Variants in LMTK3 observed in about 807,000 individuals in gnomAD.
LMTK3 encodes lemur tail kinase 3.
Under a neutral mutation model 116.7 loss-of-function variants are expected in LMTK3, and 27 were observed. The observed-to-expected ratio is 0.23, with a 90% CI of 0.17 to 0.32. The LOEUF (loss-of-function observed/expected upper bound fraction) is 0.32, where lower values mean the gene tolerates loss of function less well. LMTK3 is among the 10% of genes least tolerant of loss of function. The probability of loss-of-function intolerance (pLI) is 1.00; values close to 1 mark genes in which losing one functional copy is unlikely to be tolerated. For synonymous variants in LMTK3, 965 were observed against 971.0 expected, an observed-to-expected ratio of 0.99 and a Z score of 0.11; for missense variants, 1,764 against 2,068.5, an observed-to-expected ratio of 0.85 and a Z score of 2.86.
chr19:48,498,909 C>T lies in LMTK3; in HGVS notation c.2160G>A (p.Leu720=). The T allele has an allele frequency of 7.8e-7, 1 of 1,273,926 alleles. No individual in the cohort carries two copies. The highest frequency in any genetic ancestry group is 9.9e-7 in the Non-Finnish European group (1 of 1,011,026). 78.9% of individuals were successfully genotyped at this position (1,273,926 alleles called of 1,614,324 possible). ...LRAERGSLAD[L]PMAPPASAPP... ...GGGCCGAGGCGGGGGGGGCCATGGG[C>T]AAGTCGGCCAGGGAGCCCCGCTCTG... The change falls in exon 11 of 15, where the codon TTG becomes TTA. Residue 720 remains leucine, a synonymous_variant. Transcript: ENST00000600059.
chr19:48,507,914 T>G, intron 5 of LMTK3, among the ~76,000 whole-genome samples: 1 of 151,798 alleles, frequency 6.6e-6, no homozygotes, highest in South Asian at 2.1e-4. Flanking sequence ...CATGACGGGG[T>G]GAAGCACCCC....
chr19:48,502,427 G>T lies in LMTK3; in HGVS notation c.794+6C>A, dbSNP rs1295259717. The T allele has an allele frequency of 2.1e-5, 34 of 1,598,162 alleles. No homozygotes were observed. Among genetic ancestry groups the T allele is most frequent in the Non-Finnish European group, 2.9e-5 (34 of 1,172,786 alleles). ...AGCTCCTCCCGCGGCTCCCCGGCCC[G>T]CCCACCTGTGCACGTAGTTGTGGGA... is the stretch of plus-strand genomic sequence containing the variant. On this transcript the variant is annotated splice_donor_region_variant and intron_variant, in intron 7 of 14. Coordinates refer to ENST00000600059, the MANE Select transcript of LMTK3 (RefSeq NM_001388485.1).
In LMTK3 at chr19:48,499,845, G is replaced by C; in HGVS notation, c.1224C>G (p.Leu408=). 7 of 1,589,946 alleles carry C rather than the reference G, an allele frequency of 4.4e-6. No individual in the cohort carries two copies. Among genetic ancestry groups the C allele is most frequent in the Non-Finnish European group, 6.0e-6 (7 of 1,170,102 alleles). The stretch of plus-strand genomic sequence containing the variant: ...GAGGCCGCTCGGAGAGCAAGTAGGT[G>C]AGCTGCAATTGGAGATCAGAGGCTG... ...RPSASDLQLQ[L]TYLLSERPPR... is the part of the protein sequence containing the mutation. The change falls in exon 11 of 15, where the codon CTC becomes CTG. Residue 408 remains leucine, a synonymous_variant. Coordinates refer to ENST00000600059, the MANE Select transcript of LMTK3 (RefSeq NM_001388485.1).
chr19:48,510,719 A>G, intron 1 of LMTK3, 127 bp from the exon 2 acceptor site: 1 of 1,131,338 alleles, frequency 8.8e-7, no homozygotes, highest in Non-Finnish European at 1.2e-6. Context: ...GTCCCTTGGC[A>G]GAGGTGCAGA....
At chr19:48,510,388 A>G (rs756529647) in intron 2 of LMTK3, 71 bp downstream of exon 2, 7 of 1,524,466 alleles carry the variant, frequency 4.6e-6, no homozygotes, top group Non-Finnish European at 6.2e-6. Flanking sequence ...CTCCCCACCA[A>G]CCACCTGTGT....
At chr19:48,504,812 T>A (rs1208638294) in intron 5 of LMTK3, among the ~76,000 whole-genome samples, 3 of 152,160 alleles carry the variant, frequency 2.0e-5, no homozygotes, top group Non-Finnish European at 2.9e-5. Context: ...CCTCCCGAAG[T>A]GCTGGGATTA....
Position 48,498,030 on chromosome 19 carries a change from C to T in LMTK3, c.3039G>A (p.Arg1013=), listed in dbSNP as rs1972368205. The T allele has an allele frequency of 1.2e-6, 2 of 1,612,804 alleles. No homozygotes were observed. Among genetic ancestry groups the T allele is most frequent in the South Asian group, 2.2e-5 (2 of 91,048 alleles). Residue 1013 remains arginine (R), a synonymous_variant, in exon 11 of 15, where the codon AGG becomes AGA. Coordinates refer to ENST00000600059, the MANE Select transcript of LMTK3 (RefSeq NM_001388485.1). ...VSENGGLRFP[R]NTERPPETGP... ...CAGTCTCTGGTGGCCTCTCCGTGTT[C>T]CTGGGGAATCTCAGGCCCCCATTCT...
chr19:48,493,678 C>G lies in LMTK3; in HGVS notation c.4092+16G>C, dbSNP rs755070515. The G allele has an allele frequency of 4.9e-5, 76 of 1,557,018 alleles. No individual in the cohort carries two copies. Among genetic ancestry groups the G allele is most frequent in the Non-Finnish European group, 5.8e-5 (67 of 1,152,154 alleles). On this transcript the variant is annotated intron_variant, in intron 12 of 14. Transcript: ENST00000600059. ...CAGGCCGCGACCCCGAAACCGCGCCCTCTCGGGTTCCGCACCTGGTCGAAG... is the reference window on the plus strand; with the variant it reads ...CAGGCCGCGACCCCGAAACCGCGCCGTCTCGGGTTCCGCACCTGGTCGAAG...
At chr19:48,513,636 C>G (rs1023511978), upstream of LMTK3, 1 of 188,014 alleles carries the variant, frequency 5.3e-6, no homozygotes, top group African/African-American at 2.4e-5. This position sits in a 1 kb window ranked among gnomAD's most constrained non-coding sequence, Gnocchi z 5.6. Context: ...TGGGCCGGAG[C>G]TGCGCACCCA....
chr19:48,509,347 T>G (rs2147560889), intron 4 of LMTK3, 90 bp downstream of exon 4: 19 of 1,214,116 alleles, frequency 1.6e-5, no homozygotes, highest in Non-Finnish European at 2.0e-5. Flanking sequence ...GAGGGACAGA[T>G]GAGAAGTGGT....
At chr19:48,496,286 TTTTC>T (rs916500111) in intron 11 of LMTK3, among the ~76,000 whole-genome samples, 1 of 150,938 alleles carries the variant, frequency 6.6e-6, no homozygotes, top group African/African-American at 2.5e-5. Flanking sequence ...TTTTTTCTTT[TTTTC>T]TTTTTCTTTT....
Position 48,491,117 on chromosome 19 carries a change from G to A in LMTK3, c.4357C>T (p.Arg1453Trp), listed in dbSNP as rs761071432. ...GCCGAGGATATGGTACCTGCGGGCCGGGCGTCGGGGGCCCGGGCGGGTGGC... is the reference window on the plus strand; with the variant it reads ...GCCGAGGATATGGTACCTGCGGGCCAGGCGTCGGGGGCCCGGGCGGGTGGC... ...PGPPARAPDA[R>W]PAGPVEN Residue 1453 changes from arginine to tryptophan, a missense_variant, in exon 14 of 15, where the codon CGG becomes TGG. By Grantham distance (101) the Arg-to-Trp change is moderately radical. Around this residue, in one of 7 missense-constraint regions of LMTK3, gnomAD observed 281 missense variants for 301.4 expected, o/e 0.93. Coordinates refer to ENST00000600059, the MANE Select transcript of LMTK3 (RefSeq NM_001388485.1). The surrounding 1 kb of genome is among the most constrained non-coding windows in gnomAD (Gnocchi z 5.1). 6.6e-6 allele frequency: 9 copies of A among 1,369,708 alleles called. No homozygotes were observed. The highest frequency in any genetic ancestry group is 1.5e-5 in the African/African-American group (1 of 66,524). 84.8% of individuals were successfully genotyped at this position (1,369,708 alleles called of 1,614,324 possible). A position where few individuals can be genotyped will look rare whatever the true frequency, so the allele number is the denominator to read the frequency against.
At chr19:48,490,471 A>G (rs1326132515) in intron 14 of LMTK3, among the ~76,000 whole-genome samples, 4 of 142,714 alleles carry the variant, frequency 2.8e-5, no homozygotes, top group Admixed American at 1.5e-4. Flanking sequence ...GGTTGCACTG[A>G]GCGTAGATTC....
intron 5 of LMTK3, among the ~76,000 whole-genome samples, chr19:48,507,245 G>A (rs1194125903): frequency 2.0e-5 from 3 of 152,218 alleles, no homozygotes; most frequent in East Asian, 1.9e-4. Flanking sequence ...TCCCAGCAAC[G>A]TGCTAGGCAG....
In LMTK3 at chr19:48,497,924, C is replaced by T; in HGVS notation, c.3145G>A (p.Glu1049Lys). The T allele has an allele frequency of 6.5e-7, 1 of 1,531,832 alleles. No homozygotes were observed. The highest frequency in any genetic ancestry group is 8.7e-7 in the Non-Finnish European group (1 of 1,144,892). 94.9% of individuals were successfully genotyped at this position (1,531,832 alleles called of 1,614,324 possible). A position where few individuals can be genotyped will look rare whatever the true frequency, so the allele number is the denominator to read the frequency against. Residue 1049 changes from glutamate (E) to lysine (K), a missense_variant, in exon 11 of 15, where the codon GAG becomes AAG. This residue lies in a region of LMTK3 where 1,028 missense variants were observed against 1,050.6 expected (regional missense o/e 0.98). Transcript: ENST00000600059. This position sits in a 1 kb window ranked among gnomAD's most constrained non-coding sequence, Gnocchi z 5.7. ...PAPTIGEPAP[E>K]TSLERAPAPS... The stretch of plus-strand genomic sequence containing the variant: ...GCAGGGGCTCTCTCCAGAGAGGTCT[C>T]TGGGGCTGGCTCCCCGATCGTGGGG...
intron 14 of LMTK3, among the ~76,000 whole-genome samples, chr19:48,489,844 G>A (rs1412459209): frequency 2.0e-5 from 3 of 152,138 alleles, no homozygotes; most frequent in Admixed American, 6.5e-5. Flanking sequence ...CTCCAGTGGC[G>A]TCTTCTACCT....
chr19:48,511,477 A>G (rs1164180939), intron 1 of LMTK3, 24 bp downstream of exon 1: 1 of 1,238,680 alleles, frequency 8.1e-7, no homozygotes, highest in South Asian at 1.9e-5. Flanking sequence ...GCCACCGGAC[A>G]GACTGATGGC....
At chr19:48,493,595 C>G (rs1463941525) in intron 12 of LMTK3, 99 bp downstream of exon 12, 1 of 1,429,960 alleles carries the variant, frequency 7.0e-7, no homozygotes, top group Non-Finnish European at 9.2e-7. Flanking sequence ...CAGGCCCCGC[C>G]CAACTCTAAG....
chr19:48,501,420 C>T lies in LMTK3; in HGVS notation c.880-16G>A, dbSNP rs748634186. The T allele has an allele frequency of 1.2e-6, 2 of 1,612,646 alleles. No individual in the cohort carries two copies. The highest frequency in any genetic ancestry group is 1.7e-6 in the Non-Finnish European group (2 of 1,179,442). ...AGTAGTCCTCCTGAGGGAACCAGGGCGGTGTCAGGCGGGTCAGGGCACCCC... is the reference window on the plus strand; with the variant it reads ...AGTAGTCCTCCTGAGGGAACCAGGGTGGTGTCAGGCGGGTCAGGGCACCCC... On this transcript the variant is annotated splice_polypyrimidine_tract_variant and intron_variant, in intron 8 of 14. Coordinates refer to ENST00000600059, the MANE Select transcript of LMTK3 (RefSeq NM_001388485.1).
Sources: gnomAD v4.1 joint callset for allele counts (sites outside exome capture counted in the v4.1 genomes callset) on GRCh38, gnomAD v4.1.1 for gene constraint, gnomAD v4.1.1 regional missense constraint, Gnocchi (gnomAD v3.1) non-coding constraint, MANE v1.5 for transcripts, NCBI Gene and HGNC (gene_info 2026-07-23, HGNC 2026-07-21) for gene names.